The following WDR17 variants were observed in gnomAD, a reference collection of about 807,000 sequenced individuals.
WDR17 encodes WD repeat-containing protein 17.
A neutral mutation model predicts 161.7 loss-of-function variants in WDR17; 143 were observed. The ratio of observed to expected loss-of-function variants is 0.88; its 90% CI spans 0.77 to 1.02. The LOEUF (loss-of-function observed/expected upper bound fraction) is 1.02. Ranked by LOEUF, WDR17 falls within the 50% of genes least tolerant of loss-of-function variation. WDR17 has a pLI of 0.00. For synonymous variants in WDR17, 517 were observed against 515.6 expected (o/e 1.00, Z -0.04); for missense variants, 1,469 against 1,520.9 (o/e 0.97, Z 0.57).
intron 23 of WDR17, 121 bp downstream of exon 23, chr4:176,168,904 A>G (rs1162026256): frequency 2.9e-6 from 3 of 1,044,352 alleles, no homozygotes; most frequent in Non-Finnish European, 2.7e-6. Context: ...TGGGGTACCT[A>G]CAAGTACAAC....
In WDR17 at chr4:176,150,583, A is replaced by C. The variant is rs1279598114; in HGVS notation, c.2294A>C (p.Lys765Thr). Residue 765 changes from lysine (K) to threonine (T), a missense_variant, in exon 16 of 29, where the codon AAA becomes ACA. Lys to Thr is a moderately conservative substitution (Grantham distance 78, BLOSUM62 -1). Coordinates refer to ENST00000508596, the MANE Select transcript of WDR17 (RefSeq NM_181265.4). ...ATAATGCACTTGAAACATCTGATTA[A>C]ATTTAGAACAGTGAGTAAAATATGC... is the stretch of plus-strand genomic sequence containing the variant. ...KGIMHLKHLIKFRTSEAQELT... is the reference protein window; with the variant it reads ...KGIMHLKHLITFRTSEAQELT... 1 of 1,598,422 alleles carries C rather than the reference A, an allele frequency of 6.3e-7. No homozygotes were observed. The highest frequency in any genetic ancestry group is 8.5e-7 in the Non-Finnish European group (1 of 1,175,012).
At chr4:176,099,819 A>C (rs1477234383) in intron 1 of WDR17, among the ~76,000 whole-genome samples, 1 of 151,858 alleles carries the variant, frequency 6.6e-6, no homozygotes, top group East Asian at 1.9e-4. Flanking sequence ...TTTACTACCC[A>C]GTTATGAATG....
At chr4:176,137,912 T>C (rs1468043698) in intron 9 of WDR17, among the ~76,000 whole-genome samples, 1 of 151,704 alleles carries the variant, frequency 6.6e-6, no homozygotes, top group Non-Finnish European at 1.5e-5. Context: ...CAAATTATAG[T>C]CCTGGTTCTG....
At chr4:176,074,883 GA>G (rs1733772340) in intron 1 of WDR17, among the ~76,000 whole-genome samples, 1 of 144,716 alleles carries the variant, frequency 6.9e-6, no homozygotes, top group Non-Finnish European at 1.5e-5. Context: ...TTATTGAGTG[GA>G]TGAGTAAATT....
chr4:176,117,737 A>G (rs1740870195), intron 3 of WDR17, among the ~76,000 whole-genome samples: 1 of 152,072 alleles, frequency 6.6e-6, no homozygotes, highest in Non-Finnish European at 1.5e-5. Context: ...CAAATTTTTC[A>G]TGTTTTTCCT....
intron 6 of WDR17, among the ~76,000 whole-genome samples, chr4:176,129,084 T>C (rs1013142059): frequency 1.3e-5 from 2 of 152,060 alleles, no homozygotes; most frequent in Non-Finnish European, 2.9e-5. Context: ...TGCTACTAAG[T>C]AAGAATATTT....
chr4:176,112,720 C>G (rs868033537), intron 2 of WDR17, among the ~76,000 whole-genome samples: 1 of 152,106 alleles, frequency 6.6e-6, no homozygotes, highest in Non-Finnish European at 1.5e-5. Context: ...TGGACTGCCT[C>G]TCTGCATGCT....
intron 16 of WDR17, among the ~76,000 whole-genome samples, chr4:176,151,199 A>G (rs1379114381): frequency 6.6e-6 from 1 of 152,226 alleles, no homozygotes; most frequent in Admixed American, 6.5e-5. Flanking sequence ...CTAAACACCT[A>G]ATGACTGTAA....
At chr4:176,155,735 A>ATATATATGTG (rs1457008509) in intron 17 of WDR17, among the ~76,000 whole-genome samples, 2 of 146,660 alleles carry the variant, frequency 1.4e-5, no homozygotes, top group Non-Finnish European at 3.0e-5. Flanking sequence ...ATATATATAT[A>ATATATATGTG]TGTTTTGGTA....
At chr4:176,160,782 A>C in intron 19 of WDR17, 129 bp from the exon 20 acceptor site, 1 of 777,798 alleles carries the variant, frequency 1.3e-6, no homozygotes, top group Non-Finnish European at 1.9e-6. Context: ...TCAAATTCTA[A>C]GATTATCTCC....
chr4:176,066,949 G>A (rs140661375), intron 1 of WDR17, among the ~76,000 whole-genome samples: 126 of 152,218 alleles, frequency 8.3e-4, no homozygotes, highest in African/African-American at 3.0e-3. Flanking sequence ...ACATTTCTGC[G>A]TTGTAAAAAT....
chr4:176,119,886 T>C lies in WDR17; in HGVS notation c.327T>C (p.Ser109=), dbSNP rs1414442210. ...DSTKGIPASL[S]WCWNAEDVVA... ...TTCCAGGGATCCCTGCTTCTCTTAG[T>C]TGGTGCTGGAATGCAGAGGATGTGG... The change falls in exon 4 of 29, where the codon AGT becomes AGC. Residue 109 remains serine, a synonymous_variant. Coordinates refer to ENST00000508596, the MANE Select transcript of WDR17 (RefSeq NM_181265.4). The C allele has an allele frequency of 5.0e-6, 8 of 1,614,126 alleles. No homozygotes were observed. Among genetic ancestry groups the C allele is most frequent in the African/African-American group, 1.3e-5 (1 of 75,062 alleles).
rs1028494451 is a variant in WDR17, at chr4:176,175,867, A to C, written c.3449+1149A>C. 2.0e-5 allele frequency among the ~76,000 whole-genome samples: 3 copies of C among 151,202 alleles called. No homozygotes were observed. The East Asian group carries it at 5.8e-4, about 29-fold the overall frequency. ...AGCCACCATGCCCGGCCGGTTAAGC[A>C]GTTTTTCTGAGTTCATATGTGGCAG... On this transcript the variant is annotated intron_variant, in intron 26 of 28. Coordinates refer to ENST00000508596, the MANE Select transcript of WDR17 (RefSeq NM_181265.4).
At chr4:176,165,726 T>C (rs1243278942) in intron 22 of WDR17, among the ~76,000 whole-genome samples, 1 of 152,212 alleles carries the variant, frequency 6.6e-6, no homozygotes, top group Non-Finnish European at 1.5e-5. Flanking sequence ...TGCTTCCTAC[T>C]GAGCAGTTCA....
At chr4:176,066,885 A>G (rs62339379) in intron 1 of WDR17, among the ~76,000 whole-genome samples, 19,669 of 152,218 alleles carry the variant, frequency 0.13, 1,573 homozygotes, top group Non-Finnish European at 0.18. Flanking sequence ...AGGATACGAA[A>G]CGGCCAAAGC....
At chr4:176,141,569 AC>A (rs1250335126) in intron 10 of WDR17, among the ~76,000 whole-genome samples, 6 of 152,094 alleles carry the variant, frequency 3.9e-5, no homozygotes, top group Admixed American at 3.9e-4. Flanking sequence ...AGCTGAGACC[AC>A]AGGTGTGCAC....
intron 8 of WDR17, 131 bp from the exon 9 acceptor site, chr4:176,137,385 TAATA>T: frequency 1.6e-6 from 1 of 630,192 alleles, no homozygotes; most frequent in East Asian, 3.0e-5. Flanking sequence ...TTTATACAGT[TAATA>T]ATTTCAATTA....
intron 7 of WDR17, among the ~76,000 whole-genome samples, chr4:176,133,245 G>T (rs1579143095): frequency 3.0e-5 from 3 of 101,112 alleles, no homozygotes; most frequent in African/African-American, 7.9e-5. Context: ...GGTTCTCCTT[G>T]GTCTCCTCTC....
intron 1 of WDR17, among the ~76,000 whole-genome samples, chr4:176,088,143 CTTTATTTT>C (rs1481303998): frequency 6.6e-6 from 1 of 152,048 alleles, no homozygotes; most frequent in African/African-American, 2.4e-5. Flanking sequence ...CATCCCTGGC[CTTTATTTT>C]TATATATTTT....
Sources: allele counts gnomAD v4.1 joint callset (sites outside exome capture counted in the v4.1 genomes callset), GRCh38; gene constraint gnomAD v4.1.1; transcripts MANE v1.5; gene names NCBI Gene and HGNC (gene_info 2026-07-23, HGNC 2026-07-21).